The following SCML4 variants were observed in gnomAD, a reference collection of about 807,000 sequenced individuals.
The protein encoded by SCML4 is Scm polycomb group protein like 4.
In SCML4, 34 loss-of-function variants were observed where a neutral mutation model predicts 41.1. The ratio of observed to expected loss-of-function variants is 0.83; its 90% CI spans 0.63 to 1.10. SCML4 has a LOEUF of 1.10. SCML4 is among the 50% of genes least tolerant of loss of function. The probability of loss-of-function intolerance (pLI) is 0.00; values close to 1 mark genes in which losing one functional copy is unlikely to be tolerated. For missense variants in SCML4, 522 were observed against 534.1 expected (o/e 0.98, Z 0.22); for synonymous variants, 214 against 220.9 (o/e 0.97, Z 0.28).
chr6:107,799,085 T>C (rs1181212327), intron 1 of SCML4, among the ~76,000 whole-genome samples: 1 of 152,174 alleles, frequency 6.6e-6, no homozygotes, highest in Non-Finnish European at 1.5e-5. Flanking sequence ...TTAAGTTAGT[T>C]GATAGTGCTT....
chr6:107,734,326 A>T (rs7766727), intron 5 of SCML4, among the ~76,000 whole-genome samples: 2 of 152,122 alleles, frequency 1.3e-5, no homozygotes, highest in East Asian at 1.9e-4. Context: ...ACTTTCTACC[A>T]AAATTTTATC....
chr6:107,831,556 C>T, the SCML4 span, among the ~76,000 whole-genome samples: 1 of 151,904 alleles, frequency 6.6e-6, no homozygotes, highest in Non-Finnish European at 1.5e-5. Context: ...GAGACTGGGA[C>T]TGGAGAATAG....
intron 5 of SCML4, among the ~76,000 whole-genome samples, chr6:107,724,410 T>C (rs1775749996): frequency 6.6e-6 from 1 of 152,222 alleles, no homozygotes; most frequent in Non-Finnish European, 1.5e-5. Flanking sequence ...TAAAAGACTG[T>C]TGGAACTAGT....
At position 107,820,433 on chromosome 6, in the gene SCML4, G is replaced by A. The variant is rs186300130; in HGVS notation, c.-60+3693C>T. Reference sequence around the variant, plus strand: ...GCATGTCTGAGAAGGGCTGTTGTGGGGCAGGCTGCTCTGCAATGCTGAATG... The same window carrying A: ...GCATGTCTGAGAAGGGCTGTTGTGGAGCAGGCTGCTCTGCAATGCTGAATG... On this transcript the variant is annotated intron_variant, in intron 1 of 7. Coordinates refer to ENST00000369020, the MANE Select transcript of SCML4 (RefSeq NM_198081.5). Among the ~76,000 whole-genome samples, 3 of 152,268 alleles carry A rather than the reference G, an allele frequency of 2.0e-5. No homozygotes were observed. In the East Asian group the frequency reaches 5.8e-4, roughly 29 times the overall value.
chr6:107,751,335 C>G (rs567607548), intron 2 of SCML4, among the ~76,000 whole-genome samples: 24 of 152,202 alleles, frequency 1.6e-4, no homozygotes, highest in African/African-American at 5.5e-4. Context: ...GGTGAGGGAG[C>G]AAGTCATACA....
At chr6:107,805,446 G>C (rs146169112) in intron 1 of SCML4, among the ~76,000 whole-genome samples, 4 of 152,286 alleles carry the variant, frequency 2.6e-5, no homozygotes, top group East Asian at 1.9e-4. Context: ...GGAGGACTGA[G>C]ATTGTGGCCT....
upstream of SCML4, among the ~76,000 whole-genome samples, chr6:107,824,873 T>G (rs73491961): frequency 0.022 from 3,412 of 152,284 alleles, 118 homozygotes; most frequent in African/African-American, 0.076. Flanking sequence ...CCCTGTGTGA[T>G]TCCCAGAGCA....
chr6:107,817,280 G>T (rs1784609495), intron 1 of SCML4, among the ~76,000 whole-genome samples: 1 of 152,104 alleles, frequency 6.6e-6, no homozygotes, highest in Non-Finnish European at 1.5e-5. Flanking sequence ...CAGAGATTTG[G>T]GCTGCTTCCA....
At chr6:107,807,107 A>G (rs1490942688) in intron 1 of SCML4, among the ~76,000 whole-genome samples, 1 of 149,196 alleles carries the variant, frequency 6.7e-6, no homozygotes, top group Non-Finnish European at 1.5e-5. Context: ...TGCAGGGGCC[A>G]TGTGTGCTAA....
At chr6:107,709,472 T>G (rs1774023021) in intron 6 of SCML4, among the ~76,000 whole-genome samples, 1 of 152,176 alleles carries the variant, frequency 6.6e-6, no homozygotes, top group Non-Finnish European at 1.5e-5. Flanking sequence ...CCTCCCTACC[T>G]TCCCCACATC....
chr6:107,833,003 T>G, the SCML4 span, among the ~76,000 whole-genome samples: 1 of 152,150 alleles, frequency 6.6e-6, no homozygotes, highest in Admixed American at 6.5e-5. Flanking sequence ...AAAAAGATTA[T>G]GAAAGTGAGT....
intron 5 of SCML4, among the ~76,000 whole-genome samples, chr6:107,742,175 A>G (rs1009484813): frequency 2.6e-5 from 4 of 152,236 alleles, no homozygotes; most frequent in Non-Finnish European, 5.9e-5. Context: ...TCAATAGTGA[A>G]GTAGATCAAG....
intron 1 of SCML4, among the ~76,000 whole-genome samples, chr6:107,780,818 A>G (rs1163948143): frequency 6.6e-6 from 1 of 152,132 alleles, no homozygotes; most frequent in Non-Finnish European, 1.5e-5. Flanking sequence ...GTAACATATT[A>G]TTATTACCAG....
chr6:107,823,434 C>T (rs1350468635), intron 1 of SCML4, among the ~76,000 whole-genome samples: 1 of 152,168 alleles, frequency 6.6e-6, no homozygotes, highest in African/African-American at 2.4e-5. Flanking sequence ...TCACAGTGCT[C>T]CACCTGGGAA....
chr6:107,813,498 C>A (rs1053902575), intron 1 of SCML4, among the ~76,000 whole-genome samples: 13 of 147,118 alleles, frequency 8.8e-5, no homozygotes, highest in Non-Finnish European at 6.0e-5. Context: ...TGACTGGATA[C>A]ATTTTGAAGC....
intron 2 of SCML4, among the ~76,000 whole-genome samples, chr6:107,769,683 A>G (rs1438695797): frequency 1.3e-5 from 2 of 152,320 alleles, no homozygotes; most frequent in South Asian, 2.1e-4. Context: ...TAATAAAATT[A>G]TGTTATATCT....
At chr6:107,776,621 T>TG (rs1487047902) in intron 1 of SCML4, among the ~76,000 whole-genome samples, 1 of 152,212 alleles carries the variant, frequency 6.6e-6, no homozygotes, top group African/African-American at 2.4e-5. Context: ...CATTGATTGT[T>TG]GGCAAGGGTA....
chr6:107,705,090 G>T lies in SCML4; in HGVS notation c.*110C>A. 1 of 1,024,952 alleles carries T rather than the reference G, an allele frequency of 9.8e-7. No homozygotes were observed. Among genetic ancestry groups the T allele is most frequent in the Non-Finnish European group, 1.5e-6 (1 of 676,962 alleles). The allele number at this position is 1,024,952 out of a possible 1,614,324, so 63.5% of individuals were successfully genotyped here. On this transcript the variant is annotated 3_prime_UTR_variant, in exon 8 of 8. Coordinates refer to ENST00000369020, the MANE Select transcript of SCML4 (RefSeq NM_198081.5). ...ATAAAAAGACCACGTCTCTGTGGCTGTTAATTTTAAGAGGAGAGTCTAGTT... is the reference window on the plus strand; with the variant it reads ...ATAAAAAGACCACGTCTCTGTGGCTTTTAATTTTAAGAGGAGAGTCTAGTT...
At chr6:107,716,032 G>C (rs914719365) in intron 6 of SCML4, among the ~76,000 whole-genome samples, 1 of 152,204 alleles carries the variant, frequency 6.6e-6, no homozygotes, top group Non-Finnish European at 1.5e-5. Context: ...CAGGCACTAG[G>C]CTGACAGCTA....
Sources: gnomAD v4.1 joint callset for allele counts (sites outside exome capture counted in the v4.1 genomes callset) on GRCh38, gnomAD v4.1.1 for gene constraint, MANE v1.5 for transcripts, NCBI Gene and HGNC (gene_info 2026-07-23, HGNC 2026-07-21) for gene names.